Variants in SLC6A2 observed in about 807,000 individuals in gnomAD.
The protein encoded by SLC6A2 is solute carrier family 6 member 2, also known as sodium-dependent noradrenaline transporter.
A neutral mutation model predicts 71.7 loss-of-function variants in SLC6A2; 26 were observed. The observed-to-expected ratio is 0.36, with a 90% CI of 0.27 to 0.50. The LOEUF (loss-of-function observed/expected upper bound fraction) is 0.50, where lower values mean the gene tolerates loss of function less well. Ranked by LOEUF, SLC6A2 falls within the 20% of genes least tolerant of loss-of-function variation. The pLI is 0.96. For missense variants in SLC6A2, 581 were observed against 803.9 expected (o/e 0.72, Z 3.35); for synonymous variants, 363 against 337.9 (o/e 1.07, Z -0.82).
At chr16:55,697,816 G>A in intron 9 of SLC6A2, 81 bp from the exon 10 acceptor site, 1 of 1,520,554 alleles carries the variant, frequency 6.6e-7, no homozygotes. Context: ...GGCTGCAGGA[G>A]GCTCTAGGAA....
chr16:55,662,890 G>C (rs560119131), intron 2 of SLC6A2, among the ~76,000 whole-genome samples: 1 of 152,242 alleles, frequency 6.6e-6, no homozygotes, highest in Non-Finnish European at 1.5e-5. Context: ...ATGTTTGGGG[G>C]TTTCTCCCAG....
intron 4 of SLC6A2, among the ~76,000 whole-genome samples, chr16:55,676,084 T>C (rs1178971398): frequency 2.0e-5 from 3 of 152,248 alleles, no homozygotes; most frequent in Admixed American, 6.5e-5. Flanking sequence ...TGCATCCACC[T>C]GTCTCCATCC....
At chr16:55,676,505 T>C (rs1410621638) in intron 4 of SLC6A2, among the ~76,000 whole-genome samples, 1 of 152,212 alleles carries the variant, frequency 6.6e-6, no homozygotes, top group African/African-American at 2.4e-5. Flanking sequence ...TGCAAAACCC[T>C]GAGAGTGCGC....
intron 4 of SLC6A2, among the ~76,000 whole-genome samples, chr16:55,677,241 G>A (rs1596976256): frequency 6.6e-6 from 1 of 152,106 alleles, no homozygotes; most frequent in East Asian, 1.9e-4. Context: ...AGGCCTTTCT[G>A]TCTTATGAAC....
chr16:55,662,374 C>T (rs1467832630), intron 2 of SLC6A2, among the ~76,000 whole-genome samples: 2 of 152,178 alleles, frequency 1.3e-5, no homozygotes. Context: ...TACTAAATGC[C>T]TATCATATGC....
chr16:55,698,576 AGT>A lies in SLC6A2; in HGVS notation c.1489+14_1489+15del. 6.3e-7 allele frequency: 1 copy of A among 1,592,622 alleles called. No individual in the cohort carries two copies. The highest frequency in any genetic ancestry group is 1.3e-5 in the African/African-American group (1 of 74,618). On this transcript the variant is annotated intron_variant, in intron 11 of 14. Transcript: ENST00000568943. ...GAGTTTCCTGGTTTTATGGTATGTG[AGT>A]GTGTGGAAAAGCCTCAGCTCCCAGT...
chr16:55,685,792 T>A (rs1489201827), intron 5 of SLC6A2, among the ~76,000 whole-genome samples: 1 of 152,166 alleles, frequency 6.6e-6, no homozygotes, highest in Non-Finnish European at 1.5e-5. Flanking sequence ...CAGAAATAAG[T>A]GCCCCCAGGG....
intron 5 of SLC6A2, among the ~76,000 whole-genome samples, chr16:55,691,629 A>G (rs36013): frequency 0.052 from 7,928 of 152,236 alleles, 342 homozygotes; most frequent in East Asian, 0.2. Context: ...TGGTGCTATG[A>G]GGACCTAGTC....
intron 4 of SLC6A2, among the ~76,000 whole-genome samples, chr16:55,673,642 A>T (rs1596969621): frequency 6.6e-6 from 1 of 152,124 alleles, no homozygotes; most frequent in East Asian, 1.9e-4. Flanking sequence ...GCTCACTGCA[A>T]CTTCCACTTC....
chr16:55,684,134 C>T (rs1017100551), intron 4 of SLC6A2, among the ~76,000 whole-genome samples: 7 of 151,908 alleles, frequency 4.6e-5, no homozygotes, highest in African/African-American at 1.5e-4. Flanking sequence ...CCAGTCTCTA[C>T]CAAAAGAATA....
intron 5 of SLC6A2, among the ~76,000 whole-genome samples, chr16:55,690,083 A>G (rs2059955612): frequency 6.6e-6 from 1 of 152,062 alleles, no homozygotes; most frequent in African/African-American, 2.4e-5. Flanking sequence ...CCATCTACTC[A>G]ACCCTCCACC....
At chr16:55,670,572 T>G (rs545645308) in intron 3 of SLC6A2, among the ~76,000 whole-genome samples, 1 of 152,214 alleles carries the variant, frequency 6.6e-6, no homozygotes, top group Non-Finnish European at 1.5e-5. Flanking sequence ...TTCTTGTGTT[T>G]CAGATCTGTT....
chr16:55,691,796 T>G, intron 5 of SLC6A2, 122 bp from the exon 6 acceptor site: 2 of 1,133,916 alleles, frequency 1.8e-6, no homozygotes, highest in Non-Finnish European at 1.3e-6. Flanking sequence ...AGCATGTGCT[T>G]TGGGTAAAGG....
intron 14 of SLC6A2, 83 bp downstream of exon 14, chr16:55,702,017 C>A: frequency 9.2e-7 from 1 of 1,090,342 alleles, no homozygotes; most frequent in Non-Finnish European, 1.4e-6. Flanking sequence ...CAAGGCTAGA[C>A]ATCACATCCA....
intron 4 of SLC6A2, among the ~76,000 whole-genome samples, chr16:55,674,339 C>A (rs926656856): frequency 4.6e-5 from 7 of 151,560 alleles, no homozygotes; most frequent in African/African-American, 1.7e-4. Flanking sequence ...CCTCCAGCTA[C>A]ATCCATGTCC....
intron 4 of SLC6A2, 63 bp from the exon 5 acceptor site, chr16:55,685,080 C>T: frequency 7.1e-6 from 11 of 1,549,054 alleles, no homozygotes; most frequent in Non-Finnish European, 9.8e-6. Flanking sequence ...GGTCTGTGGT[C>T]ACGGCCTCTG....
Position 55,686,822 on chromosome 16 carries a change from A to T in SLC6A2, c.783+1541A>T, listed in dbSNP as rs114929312. ...TTGGAGAAAGTCTAGCGTTGAGCAA[A>T]ACCAGGATAGGACCACTAACATTCT... On this transcript the variant is annotated intron_variant, in intron 5 of 14. Coordinates refer to ENST00000568943, the MANE Select transcript of SLC6A2 (RefSeq NM_001172501.3). Among the ~76,000 whole-genome samples the T allele has an allele frequency of 9.2e-3, 1,401 of 152,320 alleles. 22 individuals are homozygous for T. Among genetic ancestry groups the T allele is most frequent in the African/African-American group, 0.032 (1,337 of 41,568 alleles).
intron 4 of SLC6A2, among the ~76,000 whole-genome samples, chr16:55,679,716 C>G (rs187564220): frequency 1.3e-5 from 2 of 152,286 alleles, no homozygotes; most frequent in Admixed American, 6.5e-5. Flanking sequence ...CAGAAGGTCC[C>G]AAGGCCCAGA....
At chr16:55,673,639 G>A (rs1964993290) in intron 4 of SLC6A2, among the ~76,000 whole-genome samples, 1 of 152,090 alleles carries the variant, frequency 6.6e-6, no homozygotes, top group African/African-American at 2.4e-5. Flanking sequence ...TCAGCTCACT[G>A]CAACTTCCAC....
Sources: gnomAD v4.1 joint callset for allele counts (sites outside exome capture counted in the v4.1 genomes callset) on GRCh38, gnomAD v4.1.1 for gene constraint, MANE v1.5 for transcripts, NCBI Gene and HGNC (gene_info 2026-07-23, HGNC 2026-07-21) for gene names.